Variants in ASTN2 observed in about 807,000 individuals in gnomAD.
ASTN2 encodes the protein astrotactin 2.
In ASTN2, 54 loss-of-function variants were observed where a neutral mutation model predicts 139.8. The observed-to-expected ratio is 0.39, with a 90% confidence interval of 0.31 to 0.48. The LOEUF (loss-of-function observed/expected upper bound fraction) is 0.48, where lower values mean the gene tolerates loss of function less well. Ranked by LOEUF, ASTN2 falls within the 20% of genes least tolerant of loss-of-function variation. The probability of loss-of-function intolerance (pLI) is 0.95; values close to 1 mark genes in which losing one functional copy is unlikely to be tolerated. For synonymous variants in ASTN2, 756 were observed against 719.5 expected, an observed-to-expected ratio of 1.05 and a Z score of -0.81; for missense variants, 1,565 against 1,725.1, an observed-to-expected ratio of 0.91 and a Z score of 1.64.
In ASTN2 at chr9:116,487,343, A is replaced by G; in HGVS notation, c.3497+16T>C. 1 of 1,613,190 alleles carries G rather than the reference A, an allele frequency of 6.2e-7. No individual in the cohort carries two copies. Among genetic ancestry groups the G allele is most frequent in the Non-Finnish European group, 8.5e-7 (1 of 1,179,612 alleles). The stretch of plus-strand genomic sequence containing the variant: ...CCTGTCTGCCTCATGATCCCCACAC[A>G]CCCAACACATCTTACTTGTAGAGAC... On this transcript the variant is annotated intron_variant, in intron 20 of 22. Transcript: ENST00000313400.
chr9:116,546,516 A>C (rs901113827), intron 19 of ASTN2: 5 of 152,188 alleles, frequency 3.3e-5, no homozygotes, highest in African/African-American at 1.2e-4. Context: ...GTATTGAGTT[A>C]AGAGATAGGC....
intron 2 of ASTN2, among the ~76,000 whole-genome samples, chr9:117,221,493 C>T (rs1832516307): frequency 6.6e-6 from 1 of 152,126 alleles, no homozygotes. Flanking sequence ...TTTAATATTC[C>T]CTCACTATGG....
At chr9:116,632,205 A>AAAGAAAGAAAG (rs767242462) in intron 17 of ASTN2, among the ~76,000 whole-genome samples, 1,567 of 45,270 alleles carry the variant, frequency 0.035, 207 homozygotes, top group Admixed American at 0.046. Context: ...AGAAAGAAAG[A>AAAGAAAGAAAG]AAAGAAAGAA....
intron 1 of ASTN2, among the ~76,000 whole-genome samples, chr9:117,408,210 T>C (rs541631283): frequency 1.3e-5 from 2 of 151,642 alleles, no homozygotes; most frequent in East Asian, 3.9e-4. Flanking sequence ...AACTAACTTG[T>C]AGAATCTGTG....
intron 10 of ASTN2, among the ~76,000 whole-genome samples, chr9:116,865,564 T>C (rs934450703): frequency 6.6e-6 from 1 of 151,976 alleles, no homozygotes; most frequent in Non-Finnish European, 1.5e-5. Context: ...AGGCCCTTTA[T>C]GGATGTCCTG....
At position 116,828,760 on chromosome 9, in the gene ASTN2, C is replaced by A. The variant is rs953359051; in HGVS notation, c.2041-7977G>T. On this transcript the variant is annotated intron_variant, in intron 11 of 22. Coordinates refer to ENST00000313400, the MANE Select transcript of ASTN2 (RefSeq NM_001365068.1). ...TTATCCAAGCTGGAAAAGAAGAAGTCAAATTATCCCTGTTTGCTGATAGTA... is the reference window on the plus strand; with the variant it reads ...TTATCCAAGCTGGAAAAGAAGAAGTAAAATTATCCCTGTTTGCTGATAGTA... 3.9e-5 allele frequency among the ~76,000 whole-genome samples: 6 copies of A among 152,084 alleles called. No homozygotes were observed. In the South Asian group the frequency reaches 1.2e-3, roughly 32 times the overall value.
chr9:117,262,182 G>A (rs1812690547), intron 2 of ASTN2, among the ~76,000 whole-genome samples: 1 of 151,956 alleles, frequency 6.6e-6, no homozygotes, highest in Non-Finnish European at 1.5e-5. Context: ...TTTTTTGGTG[G>A]TACCAGAGTG....
At chr9:116,907,352 T>C (rs1834189690) in intron 10 of ASTN2, among the ~76,000 whole-genome samples, 1 of 152,162 alleles carries the variant, frequency 6.6e-6, no homozygotes, top group African/African-American at 2.4e-5. Flanking sequence ...ACCTCAGTTT[T>C]CAGTACTGGC....
At chr9:116,902,931 A>G (rs10983400) in intron 10 of ASTN2, among the ~76,000 whole-genome samples, 17,238 of 152,206 alleles carry the variant, frequency 0.11, 1,152 homozygotes, top group East Asian at 0.33. Context: ...TGAAGAGCCC[A>G]GTAGGATCTG....
chr9:116,936,710 A>G (rs1411647140), intron 10 of ASTN2, among the ~76,000 whole-genome samples: 1 of 152,110 alleles, frequency 6.6e-6, no homozygotes, highest in Non-Finnish European at 1.5e-5. Context: ...TTCAGTATCA[A>G]TCTTTTCACC....
intron 18 of ASTN2, 63 bp downstream of exon 18, chr9:116,620,247 C>G: frequency 6.2e-7 from 1 of 1,607,840 alleles, no homozygotes; most frequent in Non-Finnish European, 8.5e-7. Flanking sequence ...CATGGGCTGG[C>G]AGGACAGGAG....
chr9:117,398,681 T>C (rs997224203), intron 1 of ASTN2, among the ~76,000 whole-genome samples: 5 of 152,250 alleles, frequency 3.3e-5, no homozygotes, highest in African/African-American at 9.6e-5. Flanking sequence ...CTGTTTGTCA[T>C]GGCCACCTTT....
intron 19 of ASTN2, among the ~76,000 whole-genome samples, chr9:116,534,238 A>G (rs925087656): frequency 1.3e-5 from 2 of 151,742 alleles, no homozygotes; most frequent in African/African-American, 4.8e-5. Context: ...TGCGTCTATT[A>G]GATTCTTCTC....
At chr9:116,923,041 C>G (rs944204064) in intron 10 of ASTN2, among the ~76,000 whole-genome samples, 8 of 152,140 alleles carry the variant, frequency 5.3e-5, no homozygotes, top group Non-Finnish European at 1.2e-4. Context: ...ATAACAAACC[C>G]CAACAGGTAA....
intron 7 of ASTN2, among the ~76,000 whole-genome samples, chr9:116,994,822 A>G (rs911471791): frequency 2.0e-5 from 3 of 152,182 alleles, no homozygotes; most frequent in African/African-American, 4.8e-5. Context: ...TTTTTAGGAT[A>G]TATTCATTTC....
At chr9:116,791,878 G>A (rs1002125795) in intron 13 of ASTN2, among the ~76,000 whole-genome samples, 1 of 152,142 alleles carries the variant, frequency 6.6e-6, no homozygotes, top group Admixed American at 6.6e-5. Context: ...ACCAAAAAAG[G>A]GGGGAAAGCG....
chr9:117,198,281 T>C (rs953996671), intron 3 of ASTN2, among the ~76,000 whole-genome samples: 6 of 152,134 alleles, frequency 3.9e-5, no homozygotes, highest in African/African-American at 1.4e-4. Flanking sequence ...CATGTGGGGT[T>C]TGGTTTTCTC....
intron 13 of ASTN2, among the ~76,000 whole-genome samples, chr9:116,763,259 A>C (rs986298870): frequency 6.6e-6 from 1 of 152,114 alleles, no homozygotes; most frequent in African/African-American, 2.4e-5. Flanking sequence ...GCTGTTTTGG[A>C]CACATGTGCT....
chr9:117,379,592 C>T (rs550916183), intron 1 of ASTN2, among the ~76,000 whole-genome samples: 73 of 152,288 alleles, frequency 4.8e-4, no homozygotes, highest in African/African-American at 1.7e-3. Context: ...AGTAAACAAA[C>T]ATTTACTGAG....
Sources: allele counts gnomAD v4.1 joint callset (sites outside exome capture counted in the v4.1 genomes callset), GRCh38; gene constraint gnomAD v4.1.1; transcripts MANE v1.5; gene names NCBI Gene and HGNC (gene_info 2026-07-23, HGNC 2026-07-21).